The following NBAS variants were observed in gnomAD, a reference collection of about 807,000 sequenced individuals.
NBAS encodes NBAS subunit of NRZ tethering complex, also known as NAG/BC035112 fusion.
In NBAS, 219 loss-of-function variants were observed where a neutral mutation model predicts 302.5. The ratio of observed to expected loss-of-function variants is 0.72; its 90% CI spans 0.65 to 0.81. The LOEUF (loss-of-function observed/expected upper bound fraction) is 0.81, where lower values mean the gene tolerates loss of function less well. NBAS is among the 30% of genes least tolerant of loss of function. The pLI, the probability that NBAS is intolerant of heterozygous loss-of-function variation, is 0.00. For missense variants in NBAS, 2,932 were observed against 2,841.6 expected, an observed-to-expected ratio of 1.03 and a Z score of -0.72; for synonymous variants, 1,118 against 1,021.6, an observed-to-expected ratio of 1.09 and a Z score of -1.80.
chr2:15,473,045 A>G (rs1680025111), intron 16 of NBAS, among the ~76,000 whole-genome samples, 177 bp downstream of exon 16: 1 of 152,226 alleles, frequency 6.6e-6, no homozygotes, highest in Non-Finnish European at 1.5e-5. Context: ...ATCAAAGTCC[A>G]GTTGCAGGGG....
intron 32 of NBAS, among the ~76,000 whole-genome samples, chr2:15,358,395 T>C (rs1673727272): frequency 6.6e-6 from 1 of 152,024 alleles, no homozygotes; most frequent in Non-Finnish European, 1.5e-5. Context: ...TGTGTGTGTG[T>C]ATGTGTGTGT....
the NBAS span, among the ~76,000 whole-genome samples, chr2:14,911,887 G>T: frequency 1.3e-5 from 2 of 152,136 alleles, no homozygotes; most frequent in Non-Finnish European, 2.9e-5. Flanking sequence ...TTGTTATAAG[G>T]GTTAAATTAG....
At chr2:14,955,306 G>T in the NBAS span, among the ~76,000 whole-genome samples, 1 of 152,342 alleles carries the variant, frequency 6.6e-6, no homozygotes, top group East Asian at 1.9e-4. Context: ...TGGCTTTGCA[G>T]CATACAGCCC....
intron 5 of NBAS, 37 bp from the exon 6 acceptor site, chr2:15,551,573 G>A (rs370703087): frequency 2.7e-4 from 415 of 1,530,000 alleles, no homozygotes; most frequent in Admixed American, 5.0e-4. Context: ...AAGTTTTATC[G>A]TAACACTGTA....
intron 45 of NBAS, 129 bp downstream of exon 45, chr2:15,238,339 G>C: frequency 1.1e-6 from 1 of 878,166 alleles, no homozygotes; most frequent in Non-Finnish European, 1.8e-6. Flanking sequence ...ACCAATAAAG[G>C]CTTGCGGACA....
In NBAS at chr2:15,328,114, A is replaced by G; in HGVS notation, c.4461+85T>C. 2.2e-6 allele frequency: 3 copies of G among 1,364,902 alleles called. No homozygotes were observed. The South Asian group carries it at 3.7e-5, about 17-fold the overall frequency. 84.5% of individuals were successfully genotyped at this position (1,364,902 alleles called of 1,614,324 possible). ...AGTAAGAACCAAGACAAATAAGTAT[A>G]TTTTCAAGAAAATTTTAGTTTTTGT... On this transcript the variant is annotated intron_variant, in intron 37 of 51. Coordinates refer to ENST00000281513, the MANE Select transcript of NBAS (RefSeq NM_015909.4).
intron 32 of NBAS, among the ~76,000 whole-genome samples, chr2:15,362,953 T>C (rs1674010193): frequency 6.6e-6 from 1 of 152,134 alleles, no homozygotes; most frequent in East Asian, 1.9e-4. Context: ...CCAGGCGCAG[T>C]GGTTCACACC....
At chr2:14,905,346 A>C in the NBAS span, among the ~76,000 whole-genome samples, 4 of 152,248 alleles carry the variant, frequency 2.6e-5, no homozygotes, top group African/African-American at 4.8e-5. Flanking sequence ...AAACAAATGG[A>C]TGAACGAACT....
At chr2:15,156,070 G>A in the NBAS span, among the ~76,000 whole-genome samples, 1 of 152,170 alleles carries the variant, frequency 6.6e-6, no homozygotes, top group African/African-American at 2.4e-5. Context: ...GGTATAAAAA[G>A]CAACCATTTC....
chr2:15,125,309 G>A, the NBAS span, among the ~76,000 whole-genome samples: 1 of 152,180 alleles, frequency 6.6e-6, no homozygotes, highest in Non-Finnish European at 1.5e-5. Context: ...GCCTCAAGAA[G>A]CTTACAATCA....
At chr2:15,181,427 C>T (rs1295204996) in intron 50 of NBAS, among the ~76,000 whole-genome samples, 1 of 152,190 alleles carries the variant, frequency 6.6e-6, no homozygotes, top group Admixed American at 6.5e-5. Context: ...AATACTTACT[C>T]TATCTTTAAG....
chr2:15,236,723 C>A (rs12987400), intron 45 of NBAS, among the ~76,000 whole-genome samples: 1 of 151,536 alleles, frequency 6.6e-6, no homozygotes, highest in African/African-American at 2.4e-5. Context: ...TTTTACTCTA[C>A]TTCTCCTAAT....
In NBAS at chr2:15,176,476, CACACAT is replaced by C. The variant is rs1017273946; in HGVS notation, c.6840+2506_6840+2511del. 6.6e-5 allele frequency among the ~76,000 whole-genome samples: 10 copies of C among 152,148 alleles called. No individual in the cohort carries two copies. In the South Asian group the frequency reaches 1.0e-3, roughly 16 times the overall value. Reference sequence around the variant, plus strand: ...ACATGGAGACACACACACACACACACACACATACACTCAAGAGTGTCTGCAAAACTC... The same window carrying C: ...ACATGGAGACACACACACACACACACACACTCAAGAGTGTCTGCAAAACTC... On this transcript the variant is annotated intron_variant, in intron 51 of 51. Transcript: ENST00000281513.
chr2:15,066,217 T>C, the NBAS span, among the ~76,000 whole-genome samples: 1 of 152,154 alleles, frequency 6.6e-6, no homozygotes, highest in Non-Finnish European at 1.5e-5. Flanking sequence ...TCTTATACCG[T>C]ACATAAAAGT....
intron 32 of NBAS, among the ~76,000 whole-genome samples, chr2:15,357,216 T>G (rs1021483768): frequency 1.3e-5 from 2 of 152,142 alleles, no homozygotes; most frequent in Admixed American, 1.3e-4. Flanking sequence ...CCAACATAAG[T>G]AAAACCCAAC....
chr2:14,793,509 C>T, the NBAS span, among the ~76,000 whole-genome samples: 10 of 151,758 alleles, frequency 6.6e-5, no homozygotes, highest in African/African-American at 1.7e-4. Context: ...ACAATCTGAA[C>T]AACAGACAGA....
intron 38 of NBAS, among the ~76,000 whole-genome samples, chr2:15,316,080 T>C (rs75813086): frequency 0.024 from 3,679 of 152,334 alleles, 110 homozygotes; most frequent in South Asian, 0.072. Flanking sequence ...CTGAATTACA[T>C]GGACGTTGCC....
intron 9 of NBAS, among the ~76,000 whole-genome samples, chr2:15,527,920 T>C (rs73202745): frequency 0.049 from 7,515 of 152,106 alleles, 586 homozygotes; most frequent in African/African-American, 0.16. Context: ...GGAATCAACA[T>C]TCCTCAAAAT....
At chr2:15,412,644 C>A (rs1274630870) in intron 25 of NBAS, among the ~76,000 whole-genome samples, 1 of 152,112 alleles carries the variant, frequency 6.6e-6, no homozygotes, top group Non-Finnish European at 1.5e-5. Context: ...AGGCTGCCTG[C>A]ACAATTTTAA....
Sources: gnomAD v4.1 joint callset for allele counts (sites outside exome capture counted in the v4.1 genomes callset) on GRCh38, gnomAD v4.1.1 for gene constraint, MANE v1.5 for transcripts, NCBI Gene and HGNC (gene_info 2026-07-23, HGNC 2026-07-21) for gene names.